GNPTG: variants seen among roughly 807,000 people sequenced by gnomAD.
The protein encoded by GNPTG is N-acetylglucosamine-1-phosphate transferase subunit gamma, also known as N-acetylglucosamine-1-phosphotransferase subunit gamma.
In GNPTG, 46 loss-of-function variants were observed where a neutral mutation model predicts 43.8. The observed-to-expected ratio is 1.05, with a 90% CI of 0.83 to 1.34. GNPTG has a LOEUF of 1.34. Ranked by LOEUF, GNPTG falls within the 40% of genes most tolerant of loss-of-function variation. The pLI, the probability that GNPTG is intolerant of heterozygous loss-of-function variation, is 0.00. For missense variants in GNPTG, 549 were observed against 411.3 expected (o/e 1.33, Z -2.90); for synonymous variants, 250 against 172.8 (o/e 1.45, Z -3.50).
chr16:1,362,206 G>T lies in GNPTG; in HGVS notation c.412G>T (p.Val138Leu). 1.9e-6 allele frequency: 3 copies of T among 1,613,576 alleles called. No homozygotes were observed. The highest frequency in any genetic ancestry group is 2.5e-6 in the Non-Finnish European group (3 of 1,179,954). The change falls in exon 7 of 11, where the codon GTG becomes TTG. Residue 138 changes from valine (V) to leucine (L), a missense_variant and splice_region_variant. Physicochemically the swap from Val to Leu is conservative, Grantham distance 32. Coordinates refer to ENST00000204679, the MANE Select transcript of GNPTG (RefSeq NM_032520.5). Reference protein sequence around the residue: ...ACRSRSRQSKVELACGKSNRL... With the variant: ...ACRSRSRQSKLELACGKSNRL... ...CCACCTACCCACGTTCCCTCCCCAGGTGGAGCTGGCGTGTGGAAAAAGCAA... is the reference window on the plus strand; with the variant it reads ...CCACCTACCCACGTTCCCTCCCCAGTTGGAGCTGGCGTGTGGAAAAAGCAA...
chr16:1,357,045 G>A (rs191691793), intron 3 of GNPTG, among the ~76,000 whole-genome samples: 1 of 152,192 alleles, frequency 6.6e-6, no homozygotes, highest in East Asian at 1.9e-4. Flanking sequence ...TGCCTGTTGG[G>A]CAGGGCCCTA....
At chr16:1,356,994 C>A (rs2034790570) in intron 3 of GNPTG, among the ~76,000 whole-genome samples, 1 of 152,092 alleles carries the variant, frequency 6.6e-6, no homozygotes, top group Non-Finnish European at 1.5e-5. Flanking sequence ...GGGTGAGGGA[C>A]ACATCAGGGT....
chr16:1,352,694 C>T (rs1454309712), intron 3 of GNPTG, among the ~76,000 whole-genome samples: 1 of 152,056 alleles, frequency 6.6e-6, no homozygotes, highest in African/African-American at 2.4e-5. Flanking sequence ...TCTCTCGGGA[C>T]GCTTCATGGT....
intron 2 of GNPTG, 39 bp downstream of exon 2, chr16:1,352,198 G>A (rs1221994246): frequency 6.4e-7 from 1 of 1,552,686 alleles, no homozygotes; most frequent in Non-Finnish European, 8.7e-7. Context: ...AGCGGGGGAC[G>A]GCCCGGGCCC....
At position 1,362,348 on chromosome 16, in the gene GNPTG, A is replaced by G. The variant is rs200412955; in HGVS notation, c.526+28A>G. 76 of 1,610,954 alleles carry G rather than the reference A, an allele frequency of 4.7e-5. No homozygotes were observed. The African/African-American group carries it at 1.0e-3, about 21-fold the overall frequency. On this transcript the variant is annotated intron_variant, in intron 7 of 10. Coordinates refer to ENST00000204679, the MANE Select transcript of GNPTG (RefSeq NM_032520.5). ...AGGGGTGCGGGACGCAGTTGAGCCC[A>G]GTGGGGTCAGCCGCGCACGCAGCCC...
chr16:1,359,466 C>T (rs2034833567), intron 3 of GNPTG, among the ~76,000 whole-genome samples: 1 of 151,940 alleles, frequency 6.6e-6, no homozygotes, highest in Non-Finnish European at 1.5e-5. Flanking sequence ...GATCAGGTTT[C>T]ACCATGTTGG....
Position 1,362,719 on chromosome 16 carries a change from G to A in GNPTG, c.718G>A (p.Glu240Lys), listed in dbSNP as rs2034929185. 5 of 1,614,044 alleles carry A rather than the reference G, an allele frequency of 3.1e-6. No homozygotes were observed. Among genetic ancestry groups the A allele is most frequent in the Non-Finnish European group, 3.4e-6 (4 of 1,180,016 alleles). ...GGGAGGTCCTGACAGCTTGGGGTTT[G>A]AGACCCTGGAAAACTGCAGGAAGGT... Reference protein sequence around the residue: ...LEGGPDSLGFETLENCRKAHK... With the variant: ...LEGGPDSLGFKTLENCRKAHK... Residue 240 changes from glutamate to lysine, a missense_variant, in exon 9 of 11, where the codon GAG (glutamate) becomes AAG (lysine). By Grantham distance (56) the Glu-to-Lys change is moderately conservative. Transcript: ENST00000204679.
chr16:1,357,539 T>G (rs2034800138), intron 3 of GNPTG, among the ~76,000 whole-genome samples: 1 of 150,068 alleles, frequency 6.7e-6, no homozygotes, highest in African/African-American at 2.5e-5. Flanking sequence ...TCGCCCAGGC[T>G]GGAGTGCTGT....
chr16:1,352,794 T>C (rs913088184), intron 3 of GNPTG, among the ~76,000 whole-genome samples: 2 of 152,100 alleles, frequency 1.3e-5, no homozygotes, highest in Non-Finnish European at 2.9e-5. Context: ...TCTTGCCATT[T>C]TTTTGGCCAT....
At chr16:1,352,205 G>A (rs2034697703) in intron 2 of GNPTG, 34 bp from the exon 3 acceptor site, 3 of 1,552,322 alleles carry the variant, frequency 1.9e-6, no homozygotes, top group Non-Finnish European at 1.7e-6. Flanking sequence ...GACGGCCCGG[G>A]CCCGTTCCCC....
chr16:1,362,630 G>C lies in GNPTG; in HGVS notation c.629G>C (p.Arg210Thr). The change falls in exon 9 of 11, where the codon AGG becomes ACG. Residue 210 changes from arginine (R) to threonine (T), a missense_variant. Arg to Thr is a moderately conservative substitution (Grantham distance 71). Coordinates refer to ENST00000204679, the MANE Select transcript of GNPTG (RefSeq NM_032520.5). ...ITPQGHEKLL[R>T]TLFEDAGYLK... Reference sequence around the variant, plus strand: ...CTTCAGGGCCATGAGAAGTTGCTGAGGACACTTTTTGAGGATGCTGGCTAC... The same window carrying C: ...CTTCAGGGCCATGAGAAGTTGCTGACGACACTTTTTGAGGATGCTGGCTAC... The C allele has an allele frequency of 6.2e-7, 1 of 1,614,184 alleles. No homozygotes were observed. Among genetic ancestry groups the C allele is most frequent in the South Asian group, 1.1e-5 (1 of 91,088 alleles).
chr16:1,351,992 G>A lies in GNPTG; in HGVS notation c.27G>A (p.Leu9=), dbSNP rs1044660992. The A allele has an allele frequency of 6.3e-6, 9 of 1,430,738 alleles. 1 individual carries two copies. Among genetic ancestry groups the A allele is most frequent in the Non-Finnish European group, 8.2e-6 (9 of 1,095,602 alleles). The allele number at this position is 1,430,738 out of a possible 1,614,324, so 88.6% of individuals were successfully genotyped here. The change falls in exon 1 of 11, where the codon CTG becomes CTA. Residue 9 remains leucine (L), a synonymous_variant. Transcript: ENST00000204679. MAAGLARL[L]LLLGLSAGGP... ...TGGCGGCGGGGCTGGCGCGGCTCCTGTTGCTCCTCGGGCTCTCGGCCGGCG... is the reference window on the plus strand; with the variant it reads ...TGGCGGCGGGGCTGGCGCGGCTCCTATTGCTCCTCGGGCTCTCGGCCGGCG...
intron 3 of GNPTG, 182 bp downstream of exon 3, chr16:1,352,488 TC>T: frequency 1.5e-6 from 1 of 688,086 alleles, no homozygotes. Context: ...AATTAAATTA[TC>T]TCCAGACTTA....
Position 1,361,808 on chromosome 16 carries a change from G to A in GNPTG, c.233+11G>A. 1 of 1,614,090 alleles carries A rather than the reference G, an allele frequency of 6.2e-7. No homozygotes were observed. The highest frequency in any genetic ancestry group is 1.1e-5 in the South Asian group (1 of 91,080). The stretch of plus-strand genomic sequence containing the variant: ...CCTGGTGGAGTCCACGTGAGTGCAG[G>A]GTGGGTGCGAGGGTGGGCTGGGGCG... On this transcript the variant is annotated intron_variant, in intron 4 of 10. Coordinates refer to ENST00000204679, the MANE Select transcript of GNPTG (RefSeq NM_032520.5).
At position 1,362,257 on chromosome 16, in the gene GNPTG, A is replaced by C. The variant is rs1214962654; in HGVS notation, c.463A>C (p.Ser155Arg). The change falls in exon 7 of 11, where the codon AGC becomes CGC. Residue 155 changes from serine (S) to arginine (R), a missense_variant. Physicochemically the swap from Ser to Arg is moderately radical, Grantham distance 110. Transcript: ENST00000204679. ...SNRLAHVSEP[S>R]TCVYALTFET... ...CCGGCTGGCCCATGTGTCCGAGCCGAGCACCTGCGTCTACGCGCTGACGTT... is the reference window on the plus strand; with the variant it reads ...CCGGCTGGCCCATGTGTCCGAGCCGCGCACCTGCGTCTACGCGCTGACGTT... 4 of 1,613,482 alleles carry C rather than the reference A, an allele frequency of 2.5e-6. No individual in the cohort carries two copies. The highest frequency in any genetic ancestry group is 2.2e-5 in the East Asian group (1 of 44,872).
chr16:1,362,513 C>A lies in GNPTG; in HGVS notation c.588C>A (p.Ala196=). The part of the protein sequence containing the change: ...RQWDQVEQDL[A]DELITPQGHE... ...GGGACCAGGTAGAGCAGGACCTGGC[C>A]GATGAGCTGATCACCCCCCAGGTAA... The change falls in exon 8 of 11, where the codon GCC becomes GCA. Residue 196 remains alanine, a synonymous_variant. Coordinates refer to ENST00000204679, the MANE Select transcript of GNPTG (RefSeq NM_032520.5). 1 of 1,614,120 alleles carries A rather than the reference C, an allele frequency of 6.2e-7. No homozygotes were observed. The highest frequency in any genetic ancestry group is 8.5e-7 in the Non-Finnish European group (1 of 1,180,016).
chr16:1,362,632 A>T lies in GNPTG; in HGVS notation c.631A>T (p.Thr211Ser), dbSNP rs112925416. The T allele has an allele frequency of 3.8e-5, 62 of 1,614,116 alleles. 2 individuals are homozygous for T. The African/African-American group carries it at 4.3e-4, about 11-fold the overall frequency. Residue 211 changes from threonine to serine, a missense_variant, in exon 9 of 11, where the codon ACA (threonine) becomes TCA (serine). Thr to Ser is a moderately conservative substitution (Grantham distance 58, BLOSUM62 1). Coordinates refer to ENST00000204679, the MANE Select transcript of GNPTG (RefSeq NM_032520.5). ...TPQGHEKLLRTLFEDAGYLKT... is the reference protein window; with the variant it reads ...TPQGHEKLLRSLFEDAGYLKT... ...TCAGGGCCATGAGAAGTTGCTGAGG[A>T]CACTTTTTGAGGATGCTGGCTACTT...
chr16:1,362,662 AC>A lies in GNPTG; in HGVS notation c.665del (p.Pro222GlnfsTer38). 6.2e-7 allele frequency: 1 copy of A among 1,613,926 alleles called. No individual in the cohort carries two copies. The highest frequency in any genetic ancestry group is 8.5e-7 in the Non-Finnish European group (1 of 1,179,990). ...TTTTGAGGATGCTGGCTACTTAAAG[AC>A]CCCAGAAGAAAATGAACCCACCCAG... ...TLFEDAGYLK[T>X]PEENEPTQLE... is the part of the protein sequence containing the mutation. On this transcript the variant is annotated frameshift_variant, in exon 9 of 11. Transcript: ENST00000204679. LOFTEE classifies it high-confidence loss of function.
chr16:1,362,241 C>G lies in GNPTG; in HGVS notation c.447C>G (p.Ala149=). Residue 149 remains alanine, a synonymous_variant, in exon 7 of 11, where the codon GCC becomes GCG. Coordinates refer to ENST00000204679, the MANE Select transcript of GNPTG (RefSeq NM_032520.5). ...ELACGKSNRL[A]HVSEPSTCVY... ...CGTGTGGAAAAAGCAACCGGCTGGC[C>G]CATGTGTCCGAGCCGAGCACCTGCG... 1 of 1,613,600 alleles carries G rather than the reference C, an allele frequency of 6.2e-7. No individual in the cohort carries two copies. Among genetic ancestry groups the G allele is most frequent in the Non-Finnish European group, 8.5e-7 (1 of 1,179,970 alleles).
Sources: gnomAD v4.1 joint callset for allele counts (sites outside exome capture counted in the v4.1 genomes callset) on GRCh38, gnomAD v4.1.1 for gene constraint, MANE v1.5 for transcripts, NCBI Gene and HGNC (gene_info 2026-07-23, HGNC 2026-07-21) for gene names.